The following MAPK10 variants were observed in gnomAD, a reference collection of about 807,000 sequenced individuals.
The protein encoded by MAPK10 is JNK3 alpha protein kinase.
A neutral mutation model predicts 59.3 loss-of-function variants in MAPK10; 25 were observed. The observed-to-expected ratio is 0.42, with a 90% CI of 0.31 to 0.59. The LOEUF (loss-of-function observed/expected upper bound fraction) is 0.59, where lower values mean the gene tolerates loss of function less well. Among genes scored for constraint, MAPK10 ranks in the 20% least tolerant of loss-of-function variants. MAPK10 has a pLI of 0.15. For missense variants in MAPK10, 351 were observed against 568.9 expected (o/e 0.62, Z 3.90); for synonymous variants, 190 against 200.5 (o/e 0.95, Z 0.44).
chr4:86,462,923 T>G (rs1160011516), intron 1 of MAPK10, among the ~76,000 whole-genome samples: 1 of 152,214 alleles, frequency 6.6e-6, no homozygotes, highest in Non-Finnish European at 1.5e-5. Flanking sequence ...TCATTTTTGA[T>G]GGCAGCCATT....
intron 1 of MAPK10, among the ~76,000 whole-genome samples, chr4:86,431,757 G>A (rs1268384148): frequency 3.3e-5 from 5 of 152,144 alleles, no homozygotes; most frequent in Admixed American, 2.0e-4. Context: ...TATTTACTAA[G>A]CTATAGGAAG....
intron 2 of MAPK10, among the ~76,000 whole-genome samples, chr4:86,206,277 T>C (rs957271708): frequency 7.9e-5 from 12 of 151,374 alleles, no homozygotes; most frequent in Admixed American, 3.9e-4. Flanking sequence ...TTCCCACCTA[T>C]GAGTGAGAAT....
chr4:86,021,669 C>T (rs1039659469), intron 13 of MAPK10, among the ~76,000 whole-genome samples: 17 of 152,212 alleles, frequency 1.1e-4, no homozygotes, highest in African/African-American at 3.4e-4. Context: ...TGGTGCTCGT[C>T]GGGGAGGCTC....
At chr4:86,189,384 T>A (rs1443806349) in intron 3 of MAPK10, among the ~76,000 whole-genome samples, 1 of 152,108 alleles carries the variant, frequency 6.6e-6, no homozygotes, top group African/African-American at 2.4e-5. Context: ...GAGCATGGTA[T>A]GTTTTGTTTT....
chr4:86,128,718 T>C (rs930856438), intron 4 of MAPK10, among the ~76,000 whole-genome samples: 1 of 152,104 alleles, frequency 6.6e-6, no homozygotes, highest in Non-Finnish European at 1.5e-5. Flanking sequence ...AAGTTTGAAA[T>C]TATTTAGAAA....
At chr4:86,423,758 G>C (rs1746838126) in intron 1 of MAPK10, among the ~76,000 whole-genome samples, 1 of 102,502 alleles carries the variant, frequency 9.8e-6, no homozygotes, top group Non-Finnish European at 2.0e-5. Context: ...AGTAATTAGT[G>C]GGATATATAT....
chr4:86,158,581 G>A (rs2068555049), intron 4 of MAPK10, among the ~76,000 whole-genome samples: 1 of 151,726 alleles, frequency 6.6e-6, no homozygotes, highest in Non-Finnish European at 1.5e-5. Context: ...TGAGCCATCA[G>A]AAAGATTAAA....
At chr4:86,068,835 A>C (rs2047218648) in intron 9 of MAPK10, among the ~76,000 whole-genome samples, 1 of 152,178 alleles carries the variant, frequency 6.6e-6, no homozygotes, top group South Asian at 2.1e-4. Context: ...TCGATATATC[A>C]GAGCCTTGAT....
chr4:86,399,067 C>G (rs1579068003), intron 1 of MAPK10, among the ~76,000 whole-genome samples: 1 of 152,178 alleles, frequency 6.6e-6, no homozygotes, highest in South Asian at 2.1e-4. Context: ...AACGAACACA[C>G]ACATGCGTAT....
At chr4:86,555,816 G>A (rs890534377) in intron 1 of MAPK10, among the ~76,000 whole-genome samples, 1 of 152,112 alleles carries the variant, frequency 6.6e-6, no homozygotes, top group African/African-American at 2.4e-5. Flanking sequence ...ATAAATTAAG[G>A]TTGAGGAGCA....
rs569949047 is a variant in MAPK10, at chr4:86,373,035, G to A, written c.-121-18391C>T. On this transcript the variant is annotated intron_variant, in intron 1 of 13. Transcript: ENST00000361569. ...ACTACAAGGCTACAGTAACCAAAAT[G>A]GCATGGTAGTGGTACCAAAACAGAT... Among the ~76,000 whole-genome samples the A allele has an allele frequency of 6.2e-3, 945 of 152,132 alleles. 7 individuals carry two copies. The highest frequency in any genetic ancestry group is 0.02 in the African/African-American group (844 of 41,522).
chr4:86,280,634 C>T (rs921469256), intron 2 of MAPK10, among the ~76,000 whole-genome samples: 1 of 152,052 alleles, frequency 6.6e-6, no homozygotes, highest in Non-Finnish European at 1.5e-5. Flanking sequence ...ACCAAAAAGA[C>T]ACATACACTC....
chr4:86,130,447 AAGG>A (rs1422936876), intron 4 of MAPK10, among the ~76,000 whole-genome samples: 2 of 152,138 alleles, frequency 1.3e-5, no homozygotes, highest in Non-Finnish European at 2.9e-5. Flanking sequence ...ATTAGGTCAA[AAGG>A]AGAAAATACT....
At chr4:86,413,700 C>A (rs1745492607) in intron 1 of MAPK10, among the ~76,000 whole-genome samples, 1 of 152,206 alleles carries the variant, frequency 6.6e-6, no homozygotes, top group Admixed American at 6.5e-5. Flanking sequence ...AGCAAGCCTC[C>A]ATGTGCATGG....
At position 86,123,651 on chromosome 4, in the gene MAPK10, G is replaced by T. The variant is rs1403817550; in HGVS notation, c.237-16299C>A. ...TAAGAGATTGGATTACAATCAATAT[G>T]CATTCCCTTATTTATCACTATTATT... On this transcript the variant is annotated intron_variant, in intron 4 of 13. Transcript: ENST00000641462. 3 of 151,972 alleles carry T rather than the reference G, an allele frequency of 2.0e-5. No homozygotes were observed. The East Asian group carries it at 5.8e-4, about 29-fold the overall frequency. 9.4% of individuals were successfully genotyped at this position (151,972 alleles called of 1,614,324 possible). A position where few individuals can be genotyped will look rare whatever the true frequency, so the allele number is the denominator to read the frequency against.
At chr4:86,241,761 T>C (rs2092735736) in intron 2 of MAPK10, among the ~76,000 whole-genome samples, 1 of 152,228 alleles carries the variant, frequency 6.6e-6, no homozygotes, top group African/African-American at 2.4e-5. Context: ...CTTCTTTGCA[T>C]TGGGTTAGAA....
chr4:86,049,727 C>T (rs1222338901), intron 11 of MAPK10, among the ~76,000 whole-genome samples: 2 of 152,060 alleles, frequency 1.3e-5, no homozygotes, highest in African/African-American at 2.4e-5. Context: ...ATTATACCAC[C>T]ATCTCTGAAT....
chr4:86,461,937 C>G (rs1320403470), intron 1 of MAPK10, among the ~76,000 whole-genome samples: 2 of 152,184 alleles, frequency 1.3e-5, no homozygotes, highest in Non-Finnish European at 2.9e-5. Flanking sequence ...CATACACCCC[C>G]CAAATCAACA....
intron 1 of MAPK10, among the ~76,000 whole-genome samples, chr4:86,431,571 A>G (rs1283967730): frequency 6.6e-6 from 1 of 152,224 alleles, no homozygotes; most frequent in Non-Finnish European, 1.5e-5. Context: ...CCAGTGTTGC[A>G]GGTATCAACT....
Sources: allele counts gnomAD v4.1 joint callset (sites outside exome capture counted in the v4.1 genomes callset), GRCh38; gene constraint gnomAD v4.1.1; transcripts MANE v1.5; gene names NCBI Gene and HGNC (gene_info 2026-07-23, HGNC 2026-07-21).